Variants in CCSER1 observed in about 807,000 individuals in gnomAD.
The protein encoded by CCSER1 is coiled-coil serine rich protein 1.
CCSER1 carries 41 observed loss-of-function variants against 82.0 expected under a neutral mutation model. The observed-to-expected ratio is 0.50, with a 90% CI of 0.39 to 0.65. The LOEUF is 0.65. Among genes scored for constraint, CCSER1 ranks in the 30% least tolerant of loss-of-function variants. The pLI is 0.00. For missense variants in CCSER1, 1,119 were observed against 1,064.2 expected (o/e 1.05, Z -0.72); for synonymous variants, 414 against 383.9 (o/e 1.08, Z -0.92).
chr4:90,345,123 C>A (rs947262363), intron 3 of CCSER1, among the ~76,000 whole-genome samples: 1 of 152,056 alleles, frequency 6.6e-6, no homozygotes, highest in Non-Finnish European at 1.5e-5. Flanking sequence ...TATAATTTTA[C>A]CAATGATGAT....
intron 9 of CCSER1, among the ~76,000 whole-genome samples, chr4:90,968,895 A>G (rs1431997013): frequency 1.3e-5 from 2 of 152,024 alleles, no homozygotes; most frequent in Non-Finnish European, 2.9e-5. Context: ...GAAGCTCAAG[A>G]TGCTACAGAA....
At chr4:91,293,418 C>A (rs1743907860) in intron 10 of CCSER1, among the ~76,000 whole-genome samples, 1 of 151,920 alleles carries the variant, frequency 6.6e-6, no homozygotes, top group Admixed American at 6.6e-5. Context: ...GTAAGTCCTT[C>A]TATTAAGAGT....
At chr4:90,314,234 A>G (rs896063878) in intron 3 of CCSER1, among the ~76,000 whole-genome samples, 9 of 152,224 alleles carry the variant, frequency 5.9e-5, no homozygotes, top group African/African-American at 1.7e-4. Flanking sequence ...TTACATTTGT[A>G]CATATGGAAA....
At chr4:90,187,993 GA>G (rs1346003310) in intron 1 of CCSER1, among the ~76,000 whole-genome samples, 1 of 151,942 alleles carries the variant, frequency 6.6e-6, no homozygotes, top group Non-Finnish European at 1.5e-5. Context: ...ATGGCTGAAA[GA>G]AAGCTTTTCA....
At chr4:91,048,436 T>C (rs1742707010) in intron 9 of CCSER1, among the ~76,000 whole-genome samples, 2 of 152,050 alleles carry the variant, frequency 1.3e-5, no homozygotes, top group Admixed American at 1.3e-4. Flanking sequence ...AAAGAGACAG[T>C]ATTCAATTTT....
chr4:90,580,349 T>C (rs1325760683), intron 5 of CCSER1, among the ~76,000 whole-genome samples: 1 of 152,150 alleles, frequency 6.6e-6, no homozygotes, highest in Non-Finnish European at 1.5e-5. Context: ...AAATGCAAAG[T>C]GTTGGCAACC....
chr4:90,576,671 C>T (rs1271127295), intron 5 of CCSER1, among the ~76,000 whole-genome samples: 18 of 152,100 alleles, frequency 1.2e-4, no homozygotes, highest in Admixed American at 1.2e-3. Flanking sequence ...ATTTAAGTCT[C>T]CTCCATGTAT....
chr4:90,595,859 A>G (rs1783268805), intron 5 of CCSER1, among the ~76,000 whole-genome samples: 1 of 152,014 alleles, frequency 6.6e-6, no homozygotes, highest in Non-Finnish European at 1.5e-5. Context: ...CTTGTTGGGC[A>G]GAACATATCT....
chr4:90,197,260 C>G (rs966950286), intron 1 of CCSER1, among the ~76,000 whole-genome samples: 3 of 152,094 alleles, frequency 2.0e-5, no homozygotes, highest in Non-Finnish European at 4.4e-5. Context: ...GTCCAGGCAG[C>G]TCCACAATTT....
At chr4:91,068,030 C>G (rs1278003653) in intron 9 of CCSER1, among the ~76,000 whole-genome samples, 1 of 152,182 alleles carries the variant, frequency 6.6e-6, no homozygotes, top group Non-Finnish European at 1.5e-5. Context: ...CTTCTCCTTA[C>G]TATAACAAAT....
chr4:90,159,282 C>A (rs1728971680), intron 1 of CCSER1, among the ~76,000 whole-genome samples: 1 of 152,056 alleles, frequency 6.6e-6, no homozygotes, highest in Non-Finnish European at 1.5e-5. Context: ...CAGCCTCAAG[C>A]AATCTTCCCT....
At chr4:90,407,992 G>A (rs749536481) in intron 4 of CCSER1, among the ~76,000 whole-genome samples, 16 of 152,176 alleles carry the variant, frequency 1.1e-4, no homozygotes, top group East Asian at 9.7e-4. Flanking sequence ...ATTATATCCC[G>A]CGCATGGCTC....
intron 10 of CCSER1, among the ~76,000 whole-genome samples, chr4:91,175,263 A>C (rs1733209069): frequency 6.6e-6 from 1 of 152,158 alleles, no homozygotes; most frequent in South Asian, 2.1e-4. Flanking sequence ...TGCTATTGTG[A>C]ATAGTGCCGT....
chr4:91,042,831 GA>G (rs1454693432), intron 9 of CCSER1, among the ~76,000 whole-genome samples: 4 of 152,142 alleles, frequency 2.6e-5, no homozygotes. Context: ...AAATGATCTT[GA>G]AAAATCTATG....
At chr4:91,300,775 G>A (rs1744604014) in intron 10 of CCSER1, among the ~76,000 whole-genome samples, 1 of 151,832 alleles carries the variant, frequency 6.6e-6, no homozygotes, top group Non-Finnish European at 1.5e-5. Context: ...TATCGCCAAA[G>A]AGAATTTTCA....
At chr4:90,135,838 T>A (rs1280810490) in intron 1 of CCSER1, among the ~76,000 whole-genome samples, 1 of 152,248 alleles carries the variant, frequency 6.6e-6, no homozygotes, top group African/African-American at 2.4e-5. Flanking sequence ...ATGCACCTCT[T>A]ATTGGTATTA....
chr4:90,784,146 C>T (rs1353604890), intron 7 of CCSER1, among the ~76,000 whole-genome samples: 1 of 151,996 alleles, frequency 6.6e-6, no homozygotes, highest in East Asian at 1.9e-4. Context: ...AAAGTTACTC[C>T]AAATTAGAGG....
intron 9 of CCSER1, among the ~76,000 whole-genome samples, chr4:91,017,771 A>C (rs1739558883): frequency 6.6e-6 from 1 of 151,798 alleles, no homozygotes; most frequent in Non-Finnish European, 1.5e-5. Context: ...CTGTGTCTTA[A>C]GGCCAGTACT....
chr4:91,182,859 G>A (rs192255819), intron 10 of CCSER1, among the ~76,000 whole-genome samples: 23 of 152,296 alleles, frequency 1.5e-4, no homozygotes, highest in Admixed American at 1.0e-3. Flanking sequence ...TCCAGTCCTC[G>A]AGGATTAACT....
Sources: gnomAD v4.1 joint callset for allele counts (sites outside exome capture counted in the v4.1 genomes callset) on GRCh38, gnomAD v4.1.1 for gene constraint, MANE v1.5 for transcripts, NCBI Gene and HGNC (gene_info 2026-07-23, HGNC 2026-07-21) for gene names.